The following DIAPH2 variants were observed in gnomAD, a reference collection of about 807,000 sequenced individuals.
The protein encoded by DIAPH2 is diaphanous related formin 2.
DIAPH2 carries 35 observed loss-of-function variants against 92.7 expected under a neutral mutation model. The ratio of observed to expected loss-of-function variants is 0.38; its 90% confidence interval spans 0.29 to 0.50. The LOEUF (loss-of-function observed/expected upper bound fraction) is 0.50. Among genes scored for constraint, DIAPH2 ranks in the 20% least tolerant of loss-of-function variants. The pLI, the probability that DIAPH2 is intolerant of heterozygous loss-of-function variation, is 0.94. For missense variants in DIAPH2, 701 were observed against 819.5 expected, an observed-to-expected ratio of 0.86 and a Z score of 1.77; for synonymous variants, 301 against 280.4, an observed-to-expected ratio of 1.07 and a Z score of -0.73.
chrX:97,121,329 C>G (rs1321675671), intron 21 of DIAPH2, among the ~76,000 whole-genome samples: 2 of 111,932 alleles, frequency 1.8e-5, no homozygotes, highest in East Asian at 2.8e-4. Flanking sequence ...GGTGAGGTCT[C>G]TCTCCTTGGG....
At chrX:97,175,782 A>G (rs1016251410) in intron 22 of DIAPH2, among the ~76,000 whole-genome samples, 35 of 112,352 alleles carry the variant, frequency 3.1e-4, no homozygotes, top group Non-Finnish European at 5.3e-4. Flanking sequence ...TGGTAAATTC[A>G]TTTTAAGCAT....
intron 4 of DIAPH2, among the ~76,000 whole-genome samples, chrX:96,872,493 C>CT (rs752843624): frequency 0.01 from 984 of 95,354 alleles, 7 homozygotes; most frequent in African/African-American, 0.02. Flanking sequence ...TTTTCTTTTT[C>CT]TTTTTTTTTT....
chrX:97,474,531 G>A (rs1057013549), intron 26 of DIAPH2, among the ~76,000 whole-genome samples: 3 of 111,588 alleles, frequency 2.7e-5, no homozygotes, highest in Admixed American at 9.5e-5. Context: ...TTGGGAGGCC[G>A]AGGCGGGTAG....
At chrX:97,335,110 G>C (rs1205852555) in intron 23 of DIAPH2, among the ~76,000 whole-genome samples, 1 of 107,628 alleles carries the variant, frequency 9.3e-6, no homozygotes, top group Non-Finnish European at 1.9e-5. Flanking sequence ...AAGTTAGTTG[G>C]TCTCCCTGAG....
At chrX:97,176,653 G>C (rs1379242974) in intron 22 of DIAPH2, among the ~76,000 whole-genome samples, 1 of 110,705 alleles carries the variant, frequency 9.0e-6, no homozygotes, top group African/African-American at 3.3e-5. Context: ...TCAGCCTCCC[G>C]AGTAGCTGGG....
chrX:97,190,818 A>G (rs2067646125), intron 22 of DIAPH2, among the ~76,000 whole-genome samples: 1 of 82,356 alleles, frequency 1.2e-5, no homozygotes, highest in Non-Finnish European at 2.3e-5. Flanking sequence ...TGGGTGACAG[A>G]GTGAGACTCC....
chrX:97,183,401 G>A (rs1316589732), intron 22 of DIAPH2, among the ~76,000 whole-genome samples: 1 of 111,495 alleles, frequency 9.0e-6, no homozygotes, highest in Admixed American at 9.6e-5. Context: ...TGATTTGTTG[G>A]CCTAGGTTAT....
At chrX:96,881,359 T>A (rs1249973139) in intron 4 of DIAPH2, among the ~76,000 whole-genome samples, 1 of 111,205 alleles carries the variant, frequency 9.0e-6, no homozygotes, top group Non-Finnish European at 1.9e-5. Context: ...TCTATTCAGG[T>A]CATGAGCACC....
intron 5 of DIAPH2, chrX:96,884,193 C>G (rs780783593): frequency 1.8e-6 from 1 of 561,951 alleles, no homozygotes; most frequent in Non-Finnish European, 2.8e-6. Flanking sequence ...CGTAGCCTTT[C>G]GGACAGCTCG....
At chrX:97,275,684 G>T (rs1448539435) in intron 23 of DIAPH2, among the ~76,000 whole-genome samples, 1 of 107,910 alleles carries the variant, frequency 9.3e-6, no homozygotes, top group African/African-American at 3.4e-5. Flanking sequence ...CAGACGGGGC[G>T]GCGGGGCAGA....
intron 22 of DIAPH2, among the ~76,000 whole-genome samples, chrX:97,185,397 A>ATATATATG (rs2067581279): frequency 1.8e-4 from 1 of 5,500 alleles, no homozygotes; most frequent in Non-Finnish European, 3.1e-4. Flanking sequence ...ATATATGTGT[A>ATATATATG]TATATATATA....
intron 23 of DIAPH2, among the ~76,000 whole-genome samples, chrX:97,293,400 G>GCCCGC (rs2068614489): frequency 9.2e-6 from 1 of 109,209 alleles, no homozygotes; most frequent in African/African-American, 3.3e-5. Context: ...TTACAGGCAT[G>GCCCGC]CACCACCAGG....
intron 22 of DIAPH2, among the ~76,000 whole-genome samples, chrX:97,181,442 G>A (rs908821577): frequency 3.6e-5 from 4 of 111,086 alleles, no homozygotes; most frequent in African/African-American, 1.3e-4. Flanking sequence ...ACGGAGTTTT[G>A]CTCTTGTTGC....
At chrX:96,772,395 G>A (rs1197821632) in intron 4 of DIAPH2, among the ~76,000 whole-genome samples, 1 of 111,819 alleles carries the variant, frequency 8.9e-6, no homozygotes, top group Non-Finnish European at 1.9e-5. Context: ...CTTATCCCAT[G>A]GAGATTTTTT....
intron 17 of DIAPH2, among the ~76,000 whole-genome samples, chrX:97,063,561 G>A (rs1456185923): frequency 8.9e-6 from 1 of 111,793 alleles, no homozygotes. Flanking sequence ...ATAAAATAAA[G>A]GACAGTTACA....
At chrX:97,569,597 G>A (rs143289327) in intron 26 of DIAPH2, among the ~76,000 whole-genome samples, 87 of 110,998 alleles carry the variant, frequency 7.8e-4, no homozygotes, top group African/African-American at 2.8e-3. Flanking sequence ...TCAAAATGCA[G>A]ATTATAGGAT....
intron 4 of DIAPH2, among the ~76,000 whole-genome samples, chrX:96,854,335 C>G (rs1351703426): frequency 9.2e-6 from 1 of 108,648 alleles, no homozygotes; most frequent in African/African-American, 3.3e-5. Context: ...CCTTATTTTC[C>G]TTTCCTAGCC....
At chrX:97,190,786 A>G (rs1226958544) in intron 22 of DIAPH2, among the ~76,000 whole-genome samples, 1 of 103,673 alleles carries the variant, frequency 9.6e-6, no homozygotes, top group East Asian at 3.0e-4. Flanking sequence ...GTGAGCTGAG[A>G]TCATGCCACT....
chrX:97,532,984 T>G (rs778576838), intron 26 of DIAPH2, among the ~76,000 whole-genome samples: 2 of 110,025 alleles, frequency 1.8e-5, no homozygotes, highest in African/African-American at 6.8e-5. Context: ...TTCCCAAAAC[T>G]CATCTTTATT....
Sources: allele counts gnomAD v4.1 joint callset (sites outside exome capture counted in the v4.1 genomes callset), GRCh38; gene constraint gnomAD v4.1.1; transcripts MANE v1.5; gene names NCBI Gene and HGNC (gene_info 2026-07-23, HGNC 2026-07-21).